The following MTUS2 variants were observed in gnomAD, a reference collection of about 807,000 sequenced individuals.
MTUS2 encodes microtubule-associated tumor suppressor candidate 2.
A neutral mutation model predicts 114.1 loss-of-function variants in MTUS2; 40 were observed. That is an observed-to-expected ratio of 0.35 (90% CI 0.27 to 0.46). MTUS2 has a LOEUF of 0.46. Among genes scored for constraint, MTUS2 ranks in the 20% least tolerant of loss-of-function variants. MTUS2 has a pLI of 1.00. For synonymous variants in MTUS2, 688 were observed against 672.0 expected, an observed-to-expected ratio of 1.02 and a Z score of -0.37; for missense variants, 1,679 against 1,705.4, an observed-to-expected ratio of 0.98 and a Z score of 0.27.
intron 8 of MTUS2, among the ~76,000 whole-genome samples, chr13:29,410,872 C>G (rs769107530): frequency 1.3e-5 from 2 of 152,040 alleles, no homozygotes; most frequent in Non-Finnish European, 2.9e-5. Flanking sequence ...CACCCTGTTG[C>G]CCAGGCTGGA....
intron 5 of MTUS2, among the ~76,000 whole-genome samples, chr13:29,279,382 A>G (rs1422509572): frequency 6.6e-6 from 1 of 152,192 alleles, no homozygotes; most frequent in Non-Finnish European, 1.5e-5. Flanking sequence ...TAGCCATGTG[A>G]ACCATTTCCA....
intron 1 of MTUS2, among the ~76,000 whole-genome samples, chr13:28,821,118 A>G (rs1873869002): frequency 6.6e-6 from 1 of 152,142 alleles, no homozygotes; most frequent in Non-Finnish European, 1.5e-5. Flanking sequence ...TTGGCAGGAT[A>G]CCAAAGGCGC....
At chr13:29,074,376 G>A (rs749049558) in intron 4 of MTUS2, among the ~76,000 whole-genome samples, 1 of 152,092 alleles carries the variant, frequency 6.6e-6, no homozygotes, top group Non-Finnish European at 1.5e-5. Context: ...CACAGCTCTG[G>A]GTCCATGCCT....
chr13:29,491,046 T>C (rs1362360867), intron 11 of MTUS2, among the ~76,000 whole-genome samples: 2 of 148,402 alleles, frequency 1.3e-5, no homozygotes, highest in African/African-American at 5.0e-5. Flanking sequence ...TGTGTGTGTG[T>C]GTGTGGTGGG....
chr13:29,413,430 C>A (rs935673997), intron 8 of MTUS2, among the ~76,000 whole-genome samples: 1 of 144,206 alleles, frequency 6.9e-6, no homozygotes, highest in Admixed American at 7.1e-5. Flanking sequence ...AAAGCAATGG[C>A]AACAAAAGCC....
At chr13:28,900,446 C>G (rs1261297540) in intron 2 of MTUS2, among the ~76,000 whole-genome samples, 1 of 152,194 alleles carries the variant, frequency 6.6e-6, no homozygotes, top group Non-Finnish European at 1.5e-5. Flanking sequence ...CCCCAACCTG[C>G]TCTCTGCCAT....
At chr13:29,003,628 G>A (rs972930340) in intron 2 of MTUS2, among the ~76,000 whole-genome samples, 2 of 152,110 alleles carry the variant, frequency 1.3e-5, no homozygotes, top group Admixed American at 1.3e-4. Context: ...AAAATATGCA[G>A]TGTTTTCCCA....
At chr13:29,142,551 C>A (rs1220517285) in intron 5 of MTUS2, among the ~76,000 whole-genome samples, 1 of 151,976 alleles carries the variant, frequency 6.6e-6, no homozygotes, top group East Asian at 1.9e-4. Context: ...TAAAAAAATA[C>A]AAAAATTAGC....
chr13:29,375,589 G>A (rs1237018226), intron 8 of MTUS2, among the ~76,000 whole-genome samples: 3 of 3,560 alleles, frequency 8.4e-4, no homozygotes, highest in African/African-American at 2.6e-3. Context: ...ATATATATAC[G>A]TATATATATA....
intron 2 of MTUS2, among the ~76,000 whole-genome samples, chr13:28,960,509 T>C (rs1056075647): frequency 4.6e-5 from 7 of 152,186 alleles, no homozygotes; most frequent in Non-Finnish European, 7.4e-5. Flanking sequence ...TACAATTGAA[T>C]GTTATTCAGC....
In MTUS2 at chr13:29,484,962, G is replaced by A. The variant is rs73154416; in HGVS notation, c.3400-2938G>A. On this transcript the variant is annotated intron_variant, in intron 10 of 15. Transcript: ENST00000612955. ...TGCGGGAATGGAGTCGTGTCACAGG[G>A]AACAGCTGGTTTTCCATAGAACGAG... The A allele has an allele frequency of 6.6e-3, 1,003 of 152,380 alleles. 9 individuals are homozygous for A. Among genetic ancestry groups the A allele is most frequent in the Non-Finnish European group, 0.012 (783 of 68,064 alleles). The allele number at this position is 152,380 out of a possible 1,614,324, so 9.4% of individuals were successfully genotyped here.
chr13:28,994,713 C>T (rs1885015974), intron 2 of MTUS2, among the ~76,000 whole-genome samples: 1 of 152,122 alleles, frequency 6.6e-6, no homozygotes, highest in African/African-American at 2.4e-5. Context: ...TGAGAAGTGT[C>T]TGTTCATGTC....
intron 1 of MTUS2, among the ~76,000 whole-genome samples, chr13:28,837,568 C>G (rs1875178787): frequency 6.6e-6 from 1 of 152,148 alleles, no homozygotes. Context: ...ATGTATATAT[C>G]TACTTCACAG....
Position 29,189,833 on chromosome 13 carries a change from C to T in MTUS2, c.2644+88863C>T, listed in dbSNP as rs1294830689. Among the ~76,000 whole-genome samples the T allele has an allele frequency of 3.9e-5, 6 of 152,130 alleles. No individual in the cohort carries two copies. The East Asian group carries it at 5.8e-4, about 15-fold the overall frequency. On this transcript the variant is annotated intron_variant, in intron 5 of 15. Transcript: ENST00000612955. ...TCCATTGTTATGGATGAATATGTGT[C>T]CCTCTACCCCCAAATGTATACATTG...
intron 5 of MTUS2, among the ~76,000 whole-genome samples, chr13:29,152,543 G>A (rs568342146): frequency 6.6e-6 from 1 of 152,224 alleles, no homozygotes; most frequent in Admixed American, 6.5e-5. Context: ...CAGGGCAGTG[G>A]TCTCATCTGA....
In MTUS2 at chr13:29,019,092, C is replaced by G. The variant is rs566865921; in HGVS notation, c.-242-5365C>G. 1.3e-4 allele frequency among the ~76,000 whole-genome samples: 20 copies of G among 152,158 alleles called. 1 individual carries two copies. Among genetic ancestry groups the G allele is most frequent in the African/African-American group, 4.8e-4 (20 of 41,522 alleles). ...ACTTCAGCCTCATTTTCTTGTCTTT[C>G]TTCACTTTCATTTTCTTTATTTTTT... On this transcript the variant is annotated intron_variant, in intron 2 of 15. Transcript: ENST00000612955.
intron 2 of MTUS2, among the ~76,000 whole-genome samples, chr13:28,973,198 G>T (rs371398601): frequency 6.6e-6 from 1 of 152,070 alleles, no homozygotes; most frequent in Non-Finnish European, 1.5e-5. Context: ...AGTTTTTCCT[G>T]TCTGCTGTTG....
At chr13:29,101,087 T>G in intron 5 of MTUS2, 117 bp downstream of exon 5, 3 of 1,110,496 alleles carry the variant, frequency 2.7e-6, no homozygotes, top group Non-Finnish European at 3.7e-6. Flanking sequence ...CTCCCTTAGC[T>G]TCCCATTGTT....
In MTUS2 at chr13:29,038,092, A is replaced by C. The variant is rs226905; in HGVS notation, c.2446+3967A>C. 2.6e-5 allele frequency among the ~76,000 whole-genome samples: 4 copies of C among 152,132 alleles called. No individual in the cohort carries two copies. The South Asian group carries it at 8.3e-4, about 32-fold the overall frequency. On this transcript the variant is annotated intron_variant, in intron 4 of 15. Transcript: ENST00000612955. Reference sequence around the variant, plus strand: ...TATGATCCTTTGGAGGACAAGAGGCATTCTGGTGTTTGGAATTTTCAGCCT... The same window carrying C: ...TATGATCCTTTGGAGGACAAGAGGCCTTCTGGTGTTTGGAATTTTCAGCCT...
Sources: allele counts gnomAD v4.1 joint callset (sites outside exome capture counted in the v4.1 genomes callset), GRCh38; gene constraint gnomAD v4.1.1; transcripts MANE v1.5; gene names NCBI Gene and HGNC (gene_info 2026-07-23, HGNC 2026-07-21).